The following MSC variants were observed in gnomAD, a reference collection of about 807,000 sequenced individuals.
MSC encodes the protein musculin.
Under a neutral mutation model 14.4 loss-of-function variants are expected in MSC, and 16 were observed. That is an observed-to-expected ratio of 1.11 (90% CI 0.75 to 1.69). MSC has a LOEUF of 1.69. Among genes scored for constraint, MSC ranks in the 40% most tolerant of loss-of-function variants. The pLI is 0.00. For synonymous variants in MSC, 165 were observed against 128.5 expected (o/e 1.28, Z -1.92); for missense variants, 320 against 288.1 (o/e 1.11, Z -0.80).
chr8:71,843,563 C>T, intron 1 of MSC, 82 bp downstream of exon 1: 2 of 1,588,798 alleles, frequency 1.3e-6, no homozygotes, highest in East Asian at 2.2e-5. Flanking sequence ...TTCTTCCCAA[C>T]GGGCTGACCC....
rs969805119 is a variant in MSC, at chr8:71,844,152, C to T, written c.27G>A (p.Pro9=). 5.4e-5 allele frequency: 84 copies of T among 1,546,060 alleles called. No individual in the cohort carries two copies. Among genetic ancestry groups the T allele is most frequent in the Non-Finnish European group, 6.5e-5 (75 of 1,146,616 alleles). The part of the protein sequence containing the change: MSTGSVSD[P]EEMELRGLQR... ...GCAGCCCCCGAAGCTCCATCTCCTC[C>T]GGATCACTCACCGAGCCCGTGGACA... The change falls in exon 1 of 2, where the codon CCG becomes CCA. Residue 9 remains proline (P), a synonymous_variant. Coordinates refer to ENST00000325509, the MANE Select transcript of MSC (RefSeq NM_005098.4).
intron 1 of MSC, 21 bp downstream of exon 1, chr8:71,843,624 C>T (rs768014505): frequency 6.2e-7 from 1 of 1,614,102 alleles, no homozygotes; most frequent in Non-Finnish European, 8.5e-7. Flanking sequence ...TCTCCCGAAT[C>T]CTTGCGCGCC....
Position 71,843,762 on chromosome 8 carries a change from G to A in MSC, c.417C>T (p.Pro139=), listed in dbSNP as rs200626858. 16 of 1,613,972 alleles carry A rather than the reference G, an allele frequency of 9.9e-6. No individual in the cohort carries two copies. Among genetic ancestry groups the A allele is most frequent in the South Asian group, 1.1e-5 (1 of 91,086 alleles). Residue 139 remains proline, a synonymous_variant, in exon 1 of 2, where the codon CCC becomes CCT. Coordinates refer to ENST00000325509, the MANE Select transcript of MSC (RefSeq NM_005098.4). The part of the protein sequence containing the change: ...RLKTSLPWVP[P]DTKLSKLDTL... The stretch of plus-strand genomic sequence containing the variant: ...TGTCCAGCTTGGAGAGCTTAGTGTC[G>A]GGGGGCACCCAGGGCAGGCTGGTCT...
rs746852328 is a variant in MSC, at chr8:71,843,661, A to G, written c.518T>C (p.Val173Ala). Residue 173 changes from valine (V) to alanine (A), a missense_variant, in exon 1 of 2, where the codon GTG (valine) becomes GCG (alanine). By Grantham distance (64) the Val-to-Ala change is moderately conservative (BLOSUM62 0). Coordinates refer to ENST00000325509, the MANE Select transcript of MSC (RefSeq NM_005098.4). ...CGCCCCTACCAGGTTCACTGGGTGC[A>G]CGTAGCCGTTCTCATAGCGGTCCTC... is the stretch of plus-strand genomic sequence containing the variant. ...LQEDRYENGY[V>A]HPVNLTWPFV... The G allele has an allele frequency of 6.2e-7, 1 of 1,614,162 alleles. No homozygotes were observed. The highest frequency in any genetic ancestry group is 1.1e-5 in the South Asian group (1 of 91,086).
At position 71,843,317 on chromosome 8, in the gene MSC, G is replaced by A. The variant is rs1320786171; in HGVS notation, c.534+328C>T. On this transcript the variant is annotated intron_variant, in intron 1 of 1. Transcript: ENST00000325509. ...TGCCCGACTCAGCTGGATTAAGTTG[G>A]GCAAGGGAGATTTGCCGTCAGTCTG... 8 of 457,208 alleles carry A rather than the reference G, an allele frequency of 1.7e-5. No individual in the cohort carries two copies. The East Asian group carries it at 3.6e-4, about 21-fold the overall frequency. 28.3% of individuals were successfully genotyped at this position (457,208 alleles called of 1,614,324 possible). A position where few individuals can be genotyped will look rare whatever the true frequency, so the allele number is the denominator to read the frequency against.
rs755979594 is a variant in MSC, at chr8:71,843,997, A to G, written c.182T>C (p.Leu61Pro). Reference protein sequence around the residue: ...DPDGEEERCALGTAGSAEGCK... With the variant: ...DPDGEEERCAPGTAGSAEGCK... ...GCCTTCCGCGCTGCCGGCTGTGCCCAGAGCGCAGCGCTCCTCCTCGCCGTC... is the reference window on the plus strand; with the variant it reads ...GCCTTCCGCGCTGCCGGCTGTGCCCGGAGCGCAGCGCTCCTCCTCGCCGTC... The change falls in exon 1 of 2, where the codon CTG (leucine) becomes CCG (proline). Residue 61 changes from leucine to proline, a missense_variant. Physicochemically the swap from Leu to Pro is moderately conservative, Grantham distance 98 (BLOSUM62 -3). Transcript: ENST00000325509. The G allele has an allele frequency of 6.4e-6, 10 of 1,568,188 alleles. No homozygotes were observed. In the South Asian group the frequency reaches 1.2e-4, roughly 18 times the overall value.
chr8:71,843,549 C>T (rs2129421076), intron 1 of MSC, 96 bp downstream of exon 1: 1 of 1,538,820 alleles, frequency 6.5e-7, no homozygotes, highest in East Asian at 2.3e-5. Flanking sequence ...CCACCCCTTT[C>T]GAATTCTTCC....
At chr8:71,842,912 T>G in intron 1 of MSC, 165 bp from the exon 2 acceptor site, 1 of 651,686 alleles carries the variant, frequency 1.5e-6, no homozygotes. Flanking sequence ...TTCATTTTAC[T>G]GGAGGTTGAT....
In MSC at chr8:71,844,091, G is replaced by A. The variant is rs766988381; in HGVS notation, c.88C>T (p.Pro30Ser). ...TAGCTGCGCTCTACGCCGCGGAGGG[G>A]CGGCCTCTTGGAGGCGGGGACCGGG... ...EYPVPASKRP[P>S]LRGVERSYAS... The change falls in exon 1 of 2, where the codon CCC becomes TCC. Residue 30 changes from proline to serine, a missense_variant. Coordinates refer to ENST00000325509, the MANE Select transcript of MSC (RefSeq NM_005098.4). 2 of 1,520,652 alleles carry A rather than the reference G, an allele frequency of 1.3e-6. No homozygotes were observed. Among genetic ancestry groups the A allele is most frequent in the Non-Finnish European group, 1.8e-6 (2 of 1,135,530 alleles). 94.2% of individuals were successfully genotyped at this position (1,520,652 alleles called of 1,614,324 possible).
intron 1 of MSC, 154 bp downstream of exon 1, chr8:71,843,491 G>C: frequency 1.1e-6 from 1 of 943,278 alleles, no homozygotes; most frequent in Admixed American, 2.0e-5. Flanking sequence ...CCACTCCCTT[G>C]ATTTGGGAGA....
At chr8:71,843,610 C>T (rs948649610) in intron 1 of MSC, 35 bp downstream of exon 1, 4 of 1,613,976 alleles carry the variant, frequency 2.5e-6, no homozygotes, top group Non-Finnish European at 3.4e-6. Context: ...TATCTCCTGG[C>T]TGCTCTCCCG....
rs1169626071 is a variant in MSC, at chr8:71,842,670, G to C, written c.612C>G (p.Thr204=). The C allele has an allele frequency of 6.2e-7, 1 of 1,614,088 alleles. No individual in the cohort carries two copies. The highest frequency in any genetic ancestry group is 1.7e-5 in the Admixed American group (1 of 60,018). Residue 204 remains threonine (T), a synonymous_variant, in exon 2 of 2, where the codon ACC becomes ACG. Coordinates refer to ENST00000325509, the MANE Select transcript of MSC (RefSeq NM_005098.4). The part of the protein sequence containing the change: ...EVSAANRLCG[T]TA ...TGAGTTCCAGTCCGATTTAAGCGGT[G>C]GTTCCACATAGTCTGTTGGCTGCGG...
chr8:71,844,167 G>A lies in MSC; in HGVS notation c.12C>T (p.Gly4=), dbSNP rs775102925. 1 of 1,559,680 alleles carries A rather than the reference G, an allele frequency of 6.4e-7. No individual in the cohort carries two copies. The highest frequency in any genetic ancestry group is 1.2e-5 in the South Asian group (1 of 83,428). The stretch of plus-strand genomic sequence containing the variant: ...CCATCTCCTCCGGATCACTCACCGA[G>A]CCCGTGGACATCCCGTTGTCCCCCT... MST[G]SVSDPEEMEL... is the part of the protein sequence containing the mutation. The change falls in exon 1 of 2, where the codon GGC becomes GGT. Residue 4 remains glycine, a synonymous_variant. Transcript: ENST00000325509.
At chr8:71,843,047 C>T (rs1214665987) in intron 1 of MSC, 7 of 174,854 alleles carry the variant, frequency 4.0e-5, no homozygotes, top group Non-Finnish European at 6.9e-5. Context: ...CACACACACA[C>T]ACGCACACAC....
At position 71,843,977 on chromosome 8, in the gene MSC, C is replaced by G. The variant is rs765895272; in HGVS notation, c.202G>C (p.Glu68Gln). The change falls in exon 1 of 2, where the codon GAA becomes CAA. Residue 68 changes from glutamate to glutamine, a missense_variant. Coordinates refer to ENST00000325509, the MANE Select transcript of MSC (RefSeq NM_005098.4). Reference protein sequence around the residue: ...RCALGTAGSAEGCKRKRPRVA... With the variant: ...RCALGTAGSAQGCKRKRPRVA... ...CGGGGCCGCTTCCTCTTGCAGCCTT[C>G]CGCGCTGCCGGCTGTGCCCAGAGCG... The G allele has an allele frequency of 7.7e-6, 12 of 1,562,100 alleles. No individual in the cohort carries two copies. In the African/African-American group the frequency reaches 1.4e-4, roughly 18 times the overall value.
At position 71,844,314 on chromosome 8, in the gene MSC, G is replaced by A. The variant is rs1807465194; in HGVS notation, c.-136C>T. ...AGACTAAAAACCCAGGCCGGGAAGC[G>A]CGGGGTGAGAAAGCGAGGTGGGTGG... On this transcript the variant is annotated 5_prime_UTR_variant, in exon 1 of 2. Coordinates refer to ENST00000325509, the MANE Select transcript of MSC (RefSeq NM_005098.4). 2.3e-6 allele frequency: 3 copies of A among 1,310,546 alleles called. No individual in the cohort carries two copies. The East Asian group carries it at 7.5e-5, about 33-fold the overall frequency. The allele number at this position is 1,310,546 out of a possible 1,614,324, so 81.2% of individuals were successfully genotyped here.
In MSC at chr8:71,844,045, G is replaced by T. The variant is rs886578002; in HGVS notation, c.134C>A (p.Ser45Ter). ...ERSYASPSDN[S>*]SAEEEDPDGE... ...GTCGGGGTCCTCCTCCTCTGCCGAC[G>T]AGTTGTCACTGGGCGAGGCGTAGCT... Residue 45 changes from serine (S) to a stop codon, truncating the protein, a stop_gained, in exon 1 of 2, where the codon TCG becomes TAG. Transcript: ENST00000325509. LOFTEE classifies it high-confidence loss of function. 1.3e-6 allele frequency: 2 copies of T among 1,562,280 alleles called. No individual in the cohort carries two copies. Among genetic ancestry groups the T allele is most frequent in the Non-Finnish European group, 8.6e-7 (1 of 1,156,438 alleles).
At position 71,844,379 on chromosome 8, in the gene MSC, G is replaced by C. The variant is rs1307716563; in HGVS notation, c.-201C>G. The C allele has an allele frequency of 6.4e-6, 5 of 780,086 alleles. No homozygotes were observed. Among genetic ancestry groups the C allele is most frequent in the Non-Finnish European group, 1.1e-5 (5 of 457,840 alleles). 48.3% of individuals were successfully genotyped at this position (780,086 alleles called of 1,614,324 possible). A position where few individuals can be genotyped will look rare whatever the true frequency, so the allele number is the denominator to read the frequency against. On this transcript the variant is annotated 5_prime_UTR_variant, in exon 1 of 2. Transcript: ENST00000325509. ...CCCCTCTGCTGACCCCGGGGAGCGT[G>C]GACTACGAGTTGGCGCCCAAGTCCA... is the stretch of plus-strand genomic sequence containing the variant.
Position 71,843,774 on chromosome 8 carries a change from G to A in MSC, c.405C>T (p.Pro135=). 1 of 1,614,026 alleles carries A rather than the reference G, an allele frequency of 6.2e-7. No individual in the cohort carries two copies. The highest frequency in any genetic ancestry group is 8.5e-7 in the Non-Finnish European group (1 of 1,180,014). Residue 135 remains proline, a synonymous_variant, in exon 1 of 2, where the codon CCC becomes CCT. Coordinates refer to ENST00000325509, the MANE Select transcript of MSC (RefSeq NM_005098.4). ...AGAGCTTAGTGTCGGGGGGCACCCA[G>A]GGCAGGCTGGTCTTGAGCCTGGAGA... ...KAFSRLKTSL[P]WVPPDTKLSK...
Sources: gnomAD v4.1 joint callset for allele counts on GRCh38, gnomAD v4.1.1 for gene constraint, MANE v1.5 for transcripts, NCBI Gene and HGNC (gene_info 2026-07-23, HGNC 2026-07-21) for gene names.